Variants in ATE1 observed in about 807,000 individuals in gnomAD.
The protein encoded by ATE1 is arginyltransferase 1.
A neutral mutation model predicts 70.5 loss-of-function variants in ATE1; 36 were observed. That is an observed-to-expected ratio of 0.51 (90% CI 0.39 to 0.67). The LOEUF is 0.67. Among genes scored for constraint, ATE1 ranks in the 30% least tolerant of loss-of-function variants. ATE1 has a pLI of 0.00. For synonymous variants in ATE1, 232 were observed against 219.3 expected (o/e 1.06, Z -0.51); for missense variants, 593 against 629.5 (o/e 0.94, Z 0.62).
chr10:121,850,009 A>T (rs1446130371), intron 8 of ATE1, among the ~76,000 whole-genome samples: 1 of 152,202 alleles, frequency 6.6e-6, no homozygotes, highest in African/African-American at 2.4e-5. Context: ...TTTATCTATA[A>T]GAGTGGTTTG....
At chr10:121,908,365 T>C (rs971124203) in intron 5 of ATE1, among the ~76,000 whole-genome samples, 160 of 152,206 alleles carry the variant, frequency 1.1e-3, no homozygotes, top group African/African-American at 3.5e-3. Flanking sequence ...ATTAGCCAGC[T>C]GTGGTGGCAT....
At chr10:121,901,177 G>A (rs937230537) in intron 6 of ATE1, among the ~76,000 whole-genome samples, 6 of 151,974 alleles carry the variant, frequency 3.9e-5, no homozygotes, top group Non-Finnish European at 4.4e-5. Flanking sequence ...TGAGACAGGA[G>A]AATCGCTTGA....
At chr10:121,754,221 T>C (rs2135730904) in intron 11 of ATE1, among the ~76,000 whole-genome samples, 1 of 152,314 alleles carries the variant, frequency 6.6e-6, no homozygotes, top group South Asian at 2.1e-4. Context: ...GAAACCCCGG[T>C]AGCAATGAGC....
At chr10:121,885,051 CAG>C (rs1950338975) in intron 7 of ATE1, among the ~76,000 whole-genome samples, 1 of 150,938 alleles carries the variant, frequency 6.6e-6, no homozygotes, top group South Asian at 2.1e-4. Context: ...ACCTGAGATC[CAG>C]AGTTTAAGAC....
chr10:121,909,788 T>C (rs759995636), intron 5 of ATE1, among the ~76,000 whole-genome samples: 24 of 152,210 alleles, frequency 1.6e-4, no homozygotes, highest in African/African-American at 5.8e-4. Context: ...GGCTCATGCC[T>C]GTAATCTCAG....
chr10:121,913,885 G>A lies in ATE1; in HGVS notation c.242C>T (p.Pro81Leu). Residue 81 changes from proline to leucine, a missense_variant, in exon 4 of 12, where the codon CCT (proline) becomes CTT (leucine). Transcript: ENST00000224652. ...CCPQYTIRCRPLQFQPSKSHK... is the reference protein window; with the variant it reads ...CCPQYTIRCRLLQFQPSKSHK... ...AGATTTTGAAGGCTGAAATTGTAAA[G>A]GTCGGCACCTAGGAAAGCAAAATAA... is the stretch of plus-strand genomic sequence containing the variant. 6.2e-7 allele frequency: 1 copy of A among 1,606,614 alleles called. No homozygotes were observed. Among genetic ancestry groups the A allele is most frequent in the Non-Finnish European group, 8.5e-7 (1 of 1,176,456 alleles).
intron 10 of ATE1, among the ~76,000 whole-genome samples, chr10:121,826,164 G>GTACT (rs1948002080): frequency 6.6e-6 from 1 of 152,168 alleles, no homozygotes; most frequent in Non-Finnish European, 1.5e-5. Context: ...TGGGTACAGA[G>GTACT]TACTGATTGT....
chr10:121,903,046 A>G (rs1951045867), intron 5 of ATE1, among the ~76,000 whole-genome samples: 1 of 111,442 alleles, frequency 9.0e-6, no homozygotes, highest in African/African-American at 3.0e-5. Context: ...TTGTATTTTC[A>G]GTAGAGATGG....
At chr10:121,876,592 A>G (rs1243499391) in intron 7 of ATE1, among the ~76,000 whole-genome samples, 1 of 152,242 alleles carries the variant, frequency 6.6e-6, no homozygotes, top group Admixed American at 6.5e-5. Flanking sequence ...TAAGTTTGCA[A>G]TATGAATCTA....
intron 8 of ATE1, among the ~76,000 whole-genome samples, chr10:121,858,639 T>TA (rs1949339348): frequency 1.0e-5 from 1 of 97,160 alleles, no homozygotes; most frequent in South Asian, 3.4e-4. Flanking sequence ...ATATATATAA[T>TA]ATATATATTT....
At chr10:121,839,053 G>T (rs1948532368) in intron 9 of ATE1, among the ~76,000 whole-genome samples, 1 of 152,004 alleles carries the variant, frequency 6.6e-6, no homozygotes, top group Admixed American at 6.6e-5. Context: ...CAATCCCCTG[G>T]CTGCCTTTCC....
At chr10:121,790,418 A>ATATT in intron 10 of ATE1, 129 bp from the exon 11 acceptor site, 1 of 1,179,328 alleles carries the variant, frequency 8.5e-7, no homozygotes, top group South Asian at 1.7e-5. Context: ...TTTACTGTAA[A>ATATT]TACTAAGCAA....
intron 8 of ATE1, among the ~76,000 whole-genome samples, chr10:121,865,032 T>C (rs1054592773): frequency 2.0e-5 from 3 of 152,310 alleles, no homozygotes; most frequent in South Asian, 4.1e-4. Flanking sequence ...TCAAATACTA[T>C]CATATCACTT....
In ATE1 at chr10:121,790,207, T is replaced by A; in HGVS notation, c.1340A>T (p.Asn447Ile). The A allele has an allele frequency of 5.6e-6, 9 of 1,613,120 alleles. No homozygotes were observed. The highest frequency in any genetic ancestry group is 7.6e-6 in the Non-Finnish European group (9 of 1,179,730). ...CTGGTTGAAACGGCAGTACTTGGAG[T>A]TTTCAAGTGAAGGCAGGCATTGCTC... ...PIEQCLPSLE[N>I]SKYCRFNQDP... Residue 447 changes from asparagine (N) to isoleucine (I), a missense_variant, in exon 11 of 12, where the codon AAC becomes ATC. By Grantham distance (149) the Asn-to-Ile change is moderately radical. Around this residue, in one of 3 missense-constraint regions of ATE1, gnomAD observed 90 missense variants for 93.7 expected, o/e 0.96. Transcript: ENST00000224652.
At position 121,741,234 on chromosome 10, in the gene ATE1, G is replaced by A. The variant is rs1944136846; in HGVS notation, c.*2446C>T. On this transcript the variant is annotated 3_prime_UTR_variant, in exon 12 of 12. Transcript: ENST00000224652. Reference sequence around the variant, plus strand: ...CACTTTTCTTGACTATGCTTTTCTAGTCCACTATCAGTATTCACTCAGCTG... The same window carrying A: ...CACTTTTCTTGACTATGCTTTTCTAATCCACTATCAGTATTCACTCAGCTG... 6.6e-6 allele frequency: 1 copy of A among 152,188 alleles called. No individual in the cohort carries two copies. Among genetic ancestry groups the A allele is most frequent in the Non-Finnish European group, 1.5e-5 (1 of 68,034 alleles). 9.4% of individuals were successfully genotyped at this position (152,188 alleles called of 1,614,324 possible). A position where few individuals can be genotyped will look rare whatever the true frequency, so the allele number is the denominator to read the frequency against.
chr10:121,798,291 G>A (rs1946737546), intron 10 of ATE1, among the ~76,000 whole-genome samples: 1 of 152,122 alleles, frequency 6.6e-6, no homozygotes, highest in Admixed American at 6.6e-5. Context: ...ATTAAAAAGG[G>A]GGTTTTCATA....
chr10:121,829,422 CA>C (rs1948148458), intron 10 of ATE1, among the ~76,000 whole-genome samples: 3 of 137,480 alleles, frequency 2.2e-5, no homozygotes, highest in African/African-American at 8.1e-5. Context: ...GACTTTGTCA[CA>C]AAAAGAAAAC....
chr10:121,866,682 A>C (rs1949675118), intron 8 of ATE1, among the ~76,000 whole-genome samples: 1 of 151,924 alleles, frequency 6.6e-6, no homozygotes, highest in Non-Finnish European at 1.5e-5. Flanking sequence ...ACCTGTCTTT[A>C]CTAAAAATAT....
chr10:121,772,543 G>A (rs765537645), intron 11 of ATE1, among the ~76,000 whole-genome samples: 8 of 152,096 alleles, frequency 5.3e-5, no homozygotes, highest in Admixed American at 6.5e-5. Context: ...AGACTTATTC[G>A]GAATGAAAGG....
Sources: gnomAD v4.1 joint callset for allele counts (sites outside exome capture counted in the v4.1 genomes callset) on GRCh38, gnomAD v4.1.1 for gene constraint, gnomAD v4.1.1 regional missense constraint, MANE v1.5 for transcripts, NCBI Gene and HGNC (gene_info 2026-07-23, HGNC 2026-07-21) for gene names.